ABCG2: variants seen among roughly 807,000 people sequenced by gnomAD.
ABCG2 encodes the protein broad substrate specificity ATP-binding cassette transporter ABCG2.
ABCG2 carries 80 observed loss-of-function variants against 73.5 expected under a neutral mutation model. The observed-to-expected ratio is 1.09, with a 90% CI of 0.91 to 1.31. ABCG2 has a LOEUF of 1.31. ABCG2 is among the 50% of genes most tolerant of loss of function. The pLI is 0.00. For synonymous variants in ABCG2, 269 were observed against 282.4 expected, an observed-to-expected ratio of 0.95 and a Z score of 0.48; for missense variants, 796 against 786.2, an observed-to-expected ratio of 1.01 and a Z score of -0.15.
chr4:88,154,124 G>C (rs910876259), intron 1 of ABCG2, among the ~76,000 whole-genome samples: 1 of 152,208 alleles, frequency 6.6e-6, no homozygotes, highest in African/African-American at 2.4e-5. Context: ...GTAGGTGGGA[G>C]TGACCAATGC....
chr4:88,140,897 TCAAAC>T (rs905853017), intron 1 of ABCG2, among the ~76,000 whole-genome samples: 5 of 152,006 alleles, frequency 3.3e-5, no homozygotes, highest in African/African-American at 9.7e-5. Context: ...ATTAAGTAAA[TCAAAC>T]CAAAAGTTGA....
At chr4:88,101,125 G>C (rs1048558577) in intron 11 of ABCG2, 105 bp downstream of exon 11, 1 of 820,114 alleles carries the variant, frequency 1.2e-6, no homozygotes, top group Non-Finnish European at 2.0e-6. Context: ...AAAAGTACTG[G>C]TAATCCTCCG....
intron 1 of ABCG2, among the ~76,000 whole-genome samples, chr4:88,202,351 T>TATATATATATAAATGTATATATTTA (rs1729206298): frequency 4.1e-5 from 1 of 24,366 alleles, no homozygotes. Flanking sequence ...TCTCTACAAT[T>TATATATATATAAATGTATATATTTA]ATTTATATAT....
intron 1 of ABCG2, among the ~76,000 whole-genome samples, chr4:88,216,292 A>T (rs563557686): frequency 7.0e-4 from 107 of 152,314 alleles, no homozygotes; most frequent in Middle Eastern, 3.4e-3. Context: ...TGGTGATTAG[A>T]TGGACTATGC....
intron 15 of ABCG2, 152 bp from the exon 16 acceptor site, chr4:88,092,533 T>C: frequency 2.5e-6 from 2 of 808,534 alleles, no homozygotes; most frequent in South Asian, 2.2e-5. Context: ...ATTGTGTGTT[T>C]ACAATTTTGC....
chr4:88,154,900 G>A (rs1238694506), intron 1 of ABCG2, among the ~76,000 whole-genome samples: 1 of 152,202 alleles, frequency 6.6e-6, no homozygotes, highest in Non-Finnish European at 1.5e-5. Context: ...GTATTAGGGC[G>A]GCGGCAGCCA....
chr4:88,133,145 T>C (rs1276974933), intron 2 of ABCG2, among the ~76,000 whole-genome samples: 1 of 152,212 alleles, frequency 6.6e-6, no homozygotes, highest in Non-Finnish European at 1.5e-5. Flanking sequence ...TGAAACGAAA[T>C]ACATGGCGTG....
intron 12 of ABCG2, among the ~76,000 whole-genome samples, chr4:88,098,645 G>GAGAGAGATAGAT (rs145841198): frequency 1.4e-5 from 2 of 143,814 alleles, no homozygotes; most frequent in South Asian, 2.3e-4. Flanking sequence ...GAGACAGGGA[G>GAGAGAGATAGAT]AGATAGATAG....
intron 10 of ABCG2, among the ~76,000 whole-genome samples, chr4:88,101,935 C>G (rs2110190326): frequency 6.6e-6 from 1 of 152,288 alleles, no homozygotes; most frequent in Non-Finnish European, 1.5e-5. Context: ...ATGCCAAGTA[C>G]CATTCCTAAT....
At chr4:88,195,070 C>G (rs887410787) in intron 1 of ABCG2, among the ~76,000 whole-genome samples, 2 of 152,126 alleles carry the variant, frequency 1.3e-5, no homozygotes, top group African/African-American at 4.8e-5. Flanking sequence ...TTCTTTTACA[C>G]ATTTAAAATA....
upstream of ABCG2, among the ~76,000 whole-genome samples, chr4:88,159,833 A>G (rs1236082196): frequency 6.6e-6 from 1 of 152,214 alleles, no homozygotes; most frequent in Non-Finnish European, 1.5e-5. Context: ...ATTTTAAGGT[A>G]TATATTCATG....
intron 1 of ABCG2, among the ~76,000 whole-genome samples, chr4:88,204,253 C>T (rs185477139): frequency 6.6e-6 from 1 of 152,198 alleles, no homozygotes; most frequent in East Asian, 1.9e-4. Flanking sequence ...AACCCCGTCT[C>T]TAGTAAAAAT....
rs374952822 is a variant in ABCG2 at position 88,115,024 on chromosome 4, G to C, written c.876C>G (p.Asp292Glu). 6.2e-7 allele frequency: 1 copy of C among 1,613,124 alleles called. No individual in the cohort carries two copies. The highest frequency in any genetic ancestry group is 1.1e-5 in the South Asian group (1 of 91,014). ...CTCCATTAATGATGTCCAAGAAGAA[G>C]TCTGCAGGGTTATTATAGGCCTCAC... Reference protein sequence around the residue: ...YHCEAYNNPADFFLDIINGDS... With the variant: ...YHCEAYNNPAEFFLDIINGDS... Residue 292 changes from aspartate to glutamate, a missense_variant, in exon 8 of 16, where the codon GAC becomes GAG. Transcript: ENST00000237612.
intron 1 of ABCG2, among the ~76,000 whole-genome samples, chr4:88,187,273 T>C (rs1208525002): frequency 6.6e-6 from 1 of 151,956 alleles, no homozygotes; most frequent in Non-Finnish European, 1.5e-5. Context: ...TTGTACATCT[T>C]AAAATAACTA....
At chr4:88,099,797 A>C (rs997466356) in intron 11 of ABCG2, among the ~76,000 whole-genome samples, 10 of 152,144 alleles carry the variant, frequency 6.6e-5, no homozygotes, top group Admixed American at 3.9e-4. Flanking sequence ...CTTTCCTTGA[A>C]GAACAGCACT....
At chr4:88,103,394 A>G (rs2109988346) in intron 10 of ABCG2, among the ~76,000 whole-genome samples, 1 of 152,322 alleles carries the variant, frequency 6.6e-6, no homozygotes, top group Non-Finnish European at 1.5e-5. Flanking sequence ...GTGGTAATCC[A>G]CATCTGTTAT....
In ABCG2 at chr4:88,090,736, G is replaced by A. The variant is rs1057251170; in HGVS notation, c.*1498C>T. 6.6e-6 allele frequency: 1 copy of A among 152,194 alleles called. No individual in the cohort carries two copies. Among genetic ancestry groups the A allele is most frequent in the Non-Finnish European group, 1.5e-5 (1 of 68,034 alleles). 9.4% of individuals were successfully genotyped at this position (152,194 alleles called of 1,614,324 possible). A position where few individuals can be genotyped will look rare whatever the true frequency, so the allele number is the denominator to read the frequency against. On this transcript the variant is annotated 3_prime_UTR_variant, in exon 16 of 16. Transcript: ENST00000237612. ...AAAAAAGAGGGCTAGATGAAATGTG[G>A]TCTCCTGAATTGAATCCTAGAACAA...
intron 1 of ABCG2, among the ~76,000 whole-genome samples, chr4:88,192,514 G>A (rs1412721301): frequency 6.6e-6 from 1 of 151,896 alleles, no homozygotes; most frequent in African/African-American, 2.4e-5. Context: ...CCACCTTCCA[G>A]GTTCAAGTGA....
rs1195952534 is a variant in ABCG2 at position 88,101,313 on chromosome 4, C to T, written c.1284G>A (p.Gly428=). ...NDSTGIQNRA[G]VLFFLTTNQC... ...GGTTGGTCGTCAGGAAGAAGAGAAC[C>T]CCAGCTCTGCCATGAAAAGGGGAAC... The change falls in exon 11 of 16, where the codon GGG becomes GGA. Residue 428 remains glycine, a synonymous_variant. Coordinates refer to ENST00000237612, the MANE Select transcript of ABCG2 (RefSeq NM_004827.3). The T allele has an allele frequency of 6.2e-7, 1 of 1,614,096 alleles. No individual in the cohort carries two copies. Among genetic ancestry groups the T allele is most frequent in the Non-Finnish European group, 8.5e-7 (1 of 1,179,992 alleles).
Sources: allele counts gnomAD v4.1 joint callset (sites outside exome capture counted in the v4.1 genomes callset), GRCh38; gene constraint gnomAD v4.1.1; transcripts MANE v1.5; gene names NCBI Gene and HGNC (gene_info 2026-07-23, HGNC 2026-07-21).